The following FAF1 variants were observed in gnomAD, a reference collection of about 807,000 sequenced individuals.
FAF1 encodes FAS-associated factor 1.
FAF1 carries 25 observed loss-of-function variants against 92.5 expected under a neutral mutation model. The ratio of observed to expected loss-of-function variants is 0.27; its 90% CI spans 0.20 to 0.38. The LOEUF (loss-of-function observed/expected upper bound fraction) is 0.38. FAF1 is among the 10% of genes least tolerant of loss of function. The pLI, the probability that FAF1 is intolerant of heterozygous loss-of-function variation, is 1.00. For missense variants in FAF1, 636 were observed against 793.3 expected (o/e 0.80, Z 2.38); for synonymous variants, 234 against 273.2 (o/e 0.86, Z 1.42).
chr1:50,661,222 A>C (rs903396141), intron 7 of FAF1, among the ~76,000 whole-genome samples: 2 of 152,194 alleles, frequency 1.3e-5, no homozygotes, highest in Non-Finnish European at 2.9e-5. Context: ...TTTAAAAATA[A>C]AGCCTGTCAC....
chr1:50,711,588 G>A (rs1050815933), intron 6 of FAF1, among the ~76,000 whole-genome samples: 1 of 150,808 alleles, frequency 6.6e-6, no homozygotes, highest in Non-Finnish European at 1.5e-5. Flanking sequence ...TCCTGCCTCG[G>A]CCTCCCGAGT....
intron 2 of FAF1, among the ~76,000 whole-genome samples, chr1:50,853,842 T>C (rs1157459819): frequency 6.6e-6 from 1 of 152,060 alleles, no homozygotes; most frequent in East Asian, 1.9e-4. Flanking sequence ...TGTATACAAA[T>C]GTTTCAAACT....
chr1:50,624,903 T>C (rs1653422236), intron 8 of FAF1, among the ~76,000 whole-genome samples: 1 of 150,594 alleles, frequency 6.6e-6, no homozygotes, highest in Admixed American at 6.6e-5. Context: ...CACTCTTTTT[T>C]TTTTTTTTTT....
At chr1:50,745,218 T>C (rs1659540518) in intron 4 of FAF1, among the ~76,000 whole-genome samples, 1 of 152,246 alleles carries the variant, frequency 6.6e-6, no homozygotes, top group East Asian at 1.9e-4. Context: ...GGAGAATCAC[T>C]TGAACCTGGG....
intron 1 of FAF1, among the ~76,000 whole-genome samples, chr1:50,954,573 C>T (rs185668382): frequency 5.2e-4 from 67 of 128,290 alleles, no homozygotes; most frequent in African/African-American, 1.9e-3. Flanking sequence ...GAGAGTCTTA[C>T]GCTGTCACCC....
intron 4 of FAF1, among the ~76,000 whole-genome samples, chr1:50,746,286 A>T (rs1391698665): frequency 3.4e-4 from 6 of 17,894 alleles, no homozygotes; most frequent in African/African-American, 1.7e-3. Flanking sequence ...ATATATATAT[A>T]TATATATTTT....
At chr1:50,814,215 A>G (rs1170834212) in intron 2 of FAF1, among the ~76,000 whole-genome samples, 1 of 152,220 alleles carries the variant, frequency 6.6e-6, no homozygotes, top group Non-Finnish European at 1.5e-5. Context: ...TATAAGGCAT[A>G]ATATGCCTAG....
At chr1:50,734,769 G>C (rs1173652112) in intron 6 of FAF1, among the ~76,000 whole-genome samples, 1 of 151,620 alleles carries the variant, frequency 6.6e-6, no homozygotes, top group East Asian at 1.9e-4. Context: ...AACACATGTA[G>C]TAGTACAGAG....
intron 1 of FAF1, among the ~76,000 whole-genome samples, chr1:50,938,241 C>T (rs1386427616): frequency 6.6e-6 from 1 of 152,138 alleles, no homozygotes; most frequent in Non-Finnish European, 1.5e-5. Context: ...CACACATTTC[C>T]CATGGGTAAC....
intron 7 of FAF1, among the ~76,000 whole-genome samples, chr1:50,670,205 G>T (rs1176959407): frequency 2.0e-5 from 3 of 151,972 alleles, no homozygotes; most frequent in Non-Finnish European, 1.5e-5. Context: ...AGCCGGGGGT[G>T]AGATAGGGGA....
chr1:50,732,012 G>C (rs927507866), intron 6 of FAF1, among the ~76,000 whole-genome samples: 9 of 151,830 alleles, frequency 5.9e-5, no homozygotes, highest in African/African-American at 2.2e-4. Context: ...AGTGCTTTAC[G>C]GGGTTATTAA....
intron 8 of FAF1, among the ~76,000 whole-genome samples, chr1:50,597,227 G>T (rs1049409564): frequency 6.6e-6 from 1 of 152,194 alleles, no homozygotes. Flanking sequence ...GAAAAGGATG[G>T]ACTCTAGAAA....
intron 2 of FAF1, among the ~76,000 whole-genome samples, chr1:50,841,658 T>C (rs1644257051): frequency 6.6e-6 from 1 of 151,990 alleles, no homozygotes; most frequent in Non-Finnish European, 1.5e-5. Context: ...AAAAGAAAGA[T>C]ATGAAGTTAT....
At chr1:50,636,499 C>T (rs1024610895) in intron 8 of FAF1, among the ~76,000 whole-genome samples, 3 of 150,098 alleles carry the variant, frequency 2.0e-5, no homozygotes, top group Non-Finnish European at 3.0e-5. Context: ...GATTCTCCTG[C>T]CTCAGCCTCC....
intron 4 of FAF1, among the ~76,000 whole-genome samples, chr1:50,745,731 T>C (rs1272726891): frequency 6.6e-6 from 1 of 152,212 alleles, no homozygotes; most frequent in African/African-American, 2.4e-5. Context: ...TAAACTCTTT[T>C]TCTTTACAAA....
intron 1 of FAF1, among the ~76,000 whole-genome samples, chr1:50,936,554 A>G (rs1365765205): frequency 6.6e-6 from 1 of 152,236 alleles, no homozygotes; most frequent in Non-Finnish European, 1.5e-5. Context: ...GGCATAGGGC[A>G]TATAAGGCCA....
At chr1:50,632,809 ACT>A (rs1653850245) in intron 8 of FAF1, among the ~76,000 whole-genome samples, 1 of 151,682 alleles carries the variant, frequency 6.6e-6, no homozygotes, top group African/African-American at 2.4e-5. Context: ...AAGATTAATA[ACT>A]CTCCTAGCTT....
At chr1:50,781,389 T>C (rs1298143786) in intron 4 of FAF1, among the ~76,000 whole-genome samples, 1 of 151,706 alleles carries the variant, frequency 6.6e-6, no homozygotes, top group Admixed American at 6.6e-5. Flanking sequence ...AGAGTTTAAG[T>C]AAAAAACTGT....
intron 9 of FAF1, among the ~76,000 whole-genome samples, chr1:50,589,185 G>C (rs1651385758): frequency 1.3e-5 from 2 of 152,132 alleles, no homozygotes; most frequent in African/African-American, 4.8e-5. Context: ...TACATGTAGT[G>C]GTGGGTTTGA....
Sources: gnomAD v4.1 joint callset for allele counts (sites outside exome capture counted in the v4.1 genomes callset) on GRCh38, gnomAD v4.1.1 for gene constraint, MANE v1.5 for transcripts, NCBI Gene and HGNC (gene_info 2026-07-23, HGNC 2026-07-21) for gene names.